JMJD1C: variants seen among roughly 807,000 people sequenced by gnomAD.
JMJD1C encodes jumonji domain containing 1C, also known as jumonji domain-containing protein 1C.
JMJD1C carries 31 observed loss-of-function variants against 245.3 expected under a neutral mutation model. That is an observed-to-expected ratio of 0.13 (90% CI 0.09 to 0.17). JMJD1C has a LOEUF of 0.17. Ranked by LOEUF, JMJD1C falls within the 10% of genes least tolerant of loss-of-function variation. JMJD1C has a pLI of 1.00. For synonymous variants in JMJD1C, 1,057 were observed against 1,017.4 expected (o/e 1.04, Z -0.74); for missense variants, 2,691 against 3,000.2 (o/e 0.90, Z 2.41).
chr10:63,319,675 T>G (rs1329729279), intron 2 of JMJD1C, among the ~76,000 whole-genome samples: 1 of 152,222 alleles, frequency 6.6e-6, no homozygotes, highest in Non-Finnish European at 1.5e-5. Flanking sequence ...TATTTCCTTG[T>G]CCTTTTATCC....
chr10:63,291,156 A>G (rs1477682180), intron 2 of JMJD1C, among the ~76,000 whole-genome samples: 1 of 151,486 alleles, frequency 6.6e-6, no homozygotes, highest in Non-Finnish European at 1.5e-5. Context: ...AATACAAAAA[A>G]AATTAGCTAG....
At chr10:63,203,699 G>A (rs1846279426) in intron 10 of JMJD1C, 5 of 983,798 alleles carry the variant, frequency 5.1e-6, no homozygotes, top group Non-Finnish European at 6.0e-6. Flanking sequence ...TAGCAGAGAG[G>A]AAGACATTCC....
At chr10:63,332,637 T>C (rs1942278718) in intron 2 of JMJD1C, among the ~76,000 whole-genome samples, 2 of 152,234 alleles carry the variant, frequency 1.3e-5, no homozygotes, top group South Asian at 4.1e-4. Context: ...AACGGAGATA[T>C]CTTACATGTT....
chr10:63,237,407 G>A (rs1037580450), intron 3 of JMJD1C, among the ~76,000 whole-genome samples: 8 of 152,064 alleles, frequency 5.3e-5, no homozygotes, highest in Admixed American at 2.0e-4. Flanking sequence ...ATACCACATC[G>A]AAGTTTTTTG....
chr10:63,197,919 TC>T (rs1252814532), intron 12 of JMJD1C, among the ~76,000 whole-genome samples: 1 of 152,170 alleles, frequency 6.6e-6, no homozygotes, highest in African/African-American at 2.4e-5. Context: ...TATCCTTAAC[TC>T]CCTCAGTTAT....
chr10:63,422,387 C>T (rs935755037), intron 1 of JMJD1C, among the ~76,000 whole-genome samples: 2 of 152,144 alleles, frequency 1.3e-5, no homozygotes, highest in African/African-American at 4.8e-5. Flanking sequence ...GGCAACAGAG[C>T]AGGACTCTGT....
chr10:63,421,030 A>G (rs1385857755), intron 1 of JMJD1C, among the ~76,000 whole-genome samples: 1 of 152,156 alleles, frequency 6.6e-6, no homozygotes, highest in Non-Finnish European at 1.5e-5. Flanking sequence ...GATCTTAGAC[A>G]TTGCTTATAA....
chr10:63,426,325 T>G (rs1057411298), intron 1 of JMJD1C, among the ~76,000 whole-genome samples: 1 of 152,016 alleles, frequency 6.6e-6, no homozygotes, highest in Admixed American at 6.6e-5. Context: ...CCACTGCACT[T>G]AAGTCTGGGC....
intron 3 of JMJD1C, among the ~76,000 whole-genome samples, chr10:63,250,055 G>C (rs1852846842): frequency 6.6e-6 from 1 of 151,654 alleles, no homozygotes; most frequent in South Asian, 2.1e-4. Context: ...TGTTACCTAG[G>C]CTGGTGTGCA....
intron 2 of JMJD1C, among the ~76,000 whole-genome samples, chr10:63,296,485 A>C (rs1181568605): frequency 2.0e-5 from 3 of 152,206 alleles, no homozygotes; most frequent in Non-Finnish European, 2.9e-5. Flanking sequence ...TTAAACAGCA[A>C]AATCACTAAC....
intron 1 of JMJD1C, among the ~76,000 whole-genome samples, chr10:63,444,237 A>T (rs929388861): frequency 6.6e-6 from 1 of 152,180 alleles, no homozygotes; most frequent in Non-Finnish European, 1.5e-5. Flanking sequence ...AGAATTAAAG[A>T]TAAATTTCAA....
chr10:63,498,576 G>A lies in JMJD1C; in HGVS notation n.113+23162C>T, dbSNP rs1954434812. Among the ~76,000 whole-genome samples, 3 of 151,434 alleles carry A rather than the reference G, an allele frequency of 2.0e-5. No individual in the cohort carries two copies. The South Asian group carries it at 6.3e-4, about 32-fold the overall frequency. ...TAGCAAGGCCCTCAGGAGTTAATGA[G>A]GTAAAAGTGTGGGGCCCCGACCCTA... On this transcript the variant is annotated intron_variant and non_coding_transcript_variant, in intron 1 of 3. Coordinates refer to the JMJD1C transcript ENST00000633035.
intron 22 of JMJD1C, 59 bp from the exon 23 acceptor site, chr10:63,177,915 C>T: frequency 6.4e-7 from 1 of 1,563,166 alleles, no homozygotes; most frequent in African/African-American, 1.4e-5. Flanking sequence ...AGCCAAGTCT[C>T]CTAAAGTTGA....
chr10:63,495,111 C>G (rs1170809684), intron 1 of JMJD1C, among the ~76,000 whole-genome samples: 1 of 150,078 alleles, frequency 6.7e-6, no homozygotes, highest in African/African-American at 2.5e-5. Flanking sequence ...TTTTTTTTAA[C>G]TTCTTTCTTC....
intron 1 of JMJD1C, among the ~76,000 whole-genome samples, chr10:63,430,934 C>T (rs1265165881): frequency 3.3e-5 from 5 of 152,094 alleles, no homozygotes; most frequent in Non-Finnish European, 4.4e-5. Flanking sequence ...TTGTTTCGTT[C>T]GATGAAGACG....
At chr10:63,472,027 A>T (rs1274252790) in intron 1 of JMJD1C, among the ~76,000 whole-genome samples, 1 of 152,196 alleles carries the variant, frequency 6.6e-6, no homozygotes, top group Non-Finnish European at 1.5e-5. Context: ...CGACAGAGTG[A>T]GACTCAGTCT....
chr10:63,215,757 T>C, intron 5 of JMJD1C, 61 bp from the exon 6 acceptor site: 1 of 1,172,710 alleles, frequency 8.5e-7, no homozygotes, highest in Non-Finnish European at 1.2e-6. Flanking sequence ...AAATATTTGG[T>C]ATAATTTCTT....
At chr10:63,484,401 A>T (rs1022517892) in intron 1 of JMJD1C, among the ~76,000 whole-genome samples, 1 of 152,226 alleles carries the variant, frequency 6.6e-6, no homozygotes, top group Non-Finnish European at 1.5e-5. Flanking sequence ...TTCCTCATTG[A>T]ATAATTTTCA....
rs186653956 is a variant in JMJD1C at position 63,213,093 on chromosome 10, G to A, written c.2694+380C>T. On this transcript the variant is annotated intron_variant, in intron 8 of 25. Coordinates refer to ENST00000399262, the MANE Select transcript of JMJD1C (RefSeq NM_032776.3). ...CCCAGCTACTCAGGAGGCTGAGGCA[G>A]AAGAATTGCTTGAACCTGGGAGGCA... Among the ~76,000 whole-genome samples, 141 of 149,182 alleles carry A rather than the reference G, an allele frequency of 9.5e-4. 1 individual carries two copies. Among genetic ancestry groups the A allele is most frequent in the African/African-American group, 3.1e-3 (128 of 40,674 alleles).
Sources: allele counts gnomAD v4.1 joint callset (sites outside exome capture counted in the v4.1 genomes callset), GRCh38; gene constraint gnomAD v4.1.1; transcripts MANE v1.5; gene names NCBI Gene and HGNC (gene_info 2026-07-23, HGNC 2026-07-21).